The following NRG3 variants were observed in gnomAD, a reference collection of about 807,000 sequenced individuals.
NRG3 encodes the protein neuregulin 3.
Under a neutral mutation model 66.9 loss-of-function variants are expected in NRG3, and 31 were observed. The observed-to-expected ratio is 0.46, with a 90% confidence interval of 0.35 to 0.63. The LOEUF (loss-of-function observed/expected upper bound fraction) is 0.63. Ranked by LOEUF, NRG3 falls within the 20% of genes least tolerant of loss-of-function variation. NRG3 has a pLI of 0.00. For missense variants in NRG3, 910 were observed against 878.9 expected (o/e 1.04, Z -0.45); for synonymous variants, 393 against 359.4 (o/e 1.09, Z -1.06).
At chr10:82,850,747 TTAAAA>T (rs3070637) in intron 3 of NRG3, among the ~76,000 whole-genome samples, 49,079 of 151,492 alleles carry the variant, frequency 0.32, 8,108 homozygotes, top group African/African-American at 0.4. Flanking sequence ...ACACAGAAGT[TTAAAA>T]TAAAGTAAAA....
At chr10:82,130,377 C>T (rs1469674513) in intron 1 of NRG3, among the ~76,000 whole-genome samples, 1 of 151,780 alleles carries the variant, frequency 6.6e-6, no homozygotes, top group East Asian at 1.9e-4. Flanking sequence ...TCCCTCCCCT[C>T]TCCCCCAACC....
chr10:82,741,158 T>A (rs1209705530), intron 3 of NRG3, among the ~76,000 whole-genome samples: 1 of 152,176 alleles, frequency 6.6e-6, no homozygotes, highest in Non-Finnish European at 1.5e-5. Context: ...CATTCATCCA[T>A]GCACACGTGC....
At chr10:82,112,206 A>G (rs915363477) in intron 1 of NRG3, among the ~76,000 whole-genome samples, 1 of 152,176 alleles carries the variant, frequency 6.6e-6, no homozygotes, top group African/African-American at 2.4e-5. Flanking sequence ...TCACATCACT[A>G]CACTCCAGCT....
intron 3 of NRG3, among the ~76,000 whole-genome samples, chr10:82,761,130 G>C (rs1458736210): frequency 1.3e-5 from 2 of 151,842 alleles, no homozygotes; most frequent in East Asian, 3.9e-4. Context: ...AGAAAATATA[G>C]AATATTTTAT....
At chr10:82,314,428 C>G (rs1422978768) in intron 1 of NRG3, among the ~76,000 whole-genome samples, 1 of 151,970 alleles carries the variant, frequency 6.6e-6, no homozygotes, top group Non-Finnish European at 1.5e-5. Flanking sequence ...ATCCAACCCT[C>G]TCAGTTTTAT....
intron 2 of NRG3, among the ~76,000 whole-genome samples, chr10:82,496,451 A>G (rs1326011794): frequency 6.6e-6 from 1 of 152,180 alleles, no homozygotes; most frequent in Non-Finnish European, 1.5e-5. Context: ...ATTTCCATTC[A>G]TTAAAAAAGA....
At chr10:82,594,542 T>G (rs182215643) in intron 2 of NRG3, among the ~76,000 whole-genome samples, 1 of 152,284 alleles carries the variant, frequency 6.6e-6, no homozygotes, top group Non-Finnish European at 1.5e-5. Context: ...ATGGTTATTT[T>G]AAAAAAATTT....
intron 2 of NRG3, among the ~76,000 whole-genome samples, chr10:82,434,563 A>G (rs749934461): frequency 6.6e-6 from 1 of 152,030 alleles, no homozygotes; most frequent in Non-Finnish European, 1.5e-5. Context: ...TGCTCATTCA[A>G]TATGATATTG....
At chr10:82,693,784 G>A (rs772983654) in intron 2 of NRG3, among the ~76,000 whole-genome samples, 45 of 152,210 alleles carry the variant, frequency 3.0e-4, no homozygotes, top group Non-Finnish European at 2.2e-4. Flanking sequence ...ACTTTGAATC[G>A]AGTGTTACAG....
At chr10:81,902,072 T>C (rs554098829) in intron 1 of NRG3, among the ~76,000 whole-genome samples, 1 of 152,312 alleles carries the variant, frequency 6.6e-6, no homozygotes, top group Admixed American at 6.5e-5. Flanking sequence ...AAGAGGTCTT[T>C]CATGAAATTT....
intron 1 of NRG3, among the ~76,000 whole-genome samples, chr10:82,058,850 T>TA (rs1252632496): frequency 7.9e-5 from 12 of 152,176 alleles, no homozygotes; most frequent in African/African-American, 2.9e-4. Flanking sequence ...TAATAGAAGA[T>TA]ACTCTGCTTG....
intron 1 of NRG3, among the ~76,000 whole-genome samples, chr10:82,338,086 G>C (rs1196552893): frequency 6.6e-6 from 1 of 152,074 alleles, no homozygotes; most frequent in Non-Finnish European, 1.5e-5. Context: ...ACTGAATAAA[G>C]CATGAGTGTG....
chr10:82,539,407 ATT>A (rs1342281978), intron 2 of NRG3, among the ~76,000 whole-genome samples: 1 of 152,130 alleles, frequency 6.6e-6, no homozygotes, highest in Non-Finnish European at 1.5e-5. Context: ...CTAACAGATG[ATT>A]TTGTCATTTA....
intron 2 of NRG3, among the ~76,000 whole-genome samples, chr10:82,650,750 G>A (rs766138452): frequency 1.1e-4 from 17 of 152,158 alleles, no homozygotes; most frequent in Non-Finnish European, 1.5e-4. Flanking sequence ...ACATCATCAC[G>A]TAATTGTTTA....
At chr10:82,015,748 G>A (rs1013814881) in intron 1 of NRG3, among the ~76,000 whole-genome samples, 1 of 151,590 alleles carries the variant, frequency 6.6e-6, no homozygotes, top group Non-Finnish European at 1.5e-5. Context: ...TAATACATCT[G>A]TCTTCACTAT....
At chr10:82,654,353 A>G (rs917005279) in intron 2 of NRG3, among the ~76,000 whole-genome samples, 1 of 152,198 alleles carries the variant, frequency 6.6e-6, no homozygotes, top group African/African-American at 2.4e-5. Flanking sequence ...AGTCTTCTGA[A>G]TATATCTTGG....
At chr10:82,681,481 T>C (rs537789397) in intron 2 of NRG3, among the ~76,000 whole-genome samples, 1 of 152,348 alleles carries the variant, frequency 6.6e-6, no homozygotes, top group South Asian at 2.1e-4. Flanking sequence ...GTTGGAAATA[T>C]TATGCCAATA....
intron 2 of NRG3, among the ~76,000 whole-genome samples, chr10:82,624,902 A>AAT (rs111465104): frequency 0.069 from 10,008 of 145,834 alleles, 386 homozygotes; most frequent in South Asian, 0.11. Context: ...GATAAATATA[A>AAT]ATATATATAT....
chr10:81,999,277 G>T (rs2061072020), intron 1 of NRG3, among the ~76,000 whole-genome samples: 1 of 152,182 alleles, frequency 6.6e-6, no homozygotes, highest in African/African-American at 2.4e-5. Context: ...TTTTTTAAAA[G>T]AGACAGTAGA....
Sources: gnomAD v4.1 joint callset for allele counts (sites outside exome capture counted in the v4.1 genomes callset) on GRCh38, gnomAD v4.1.1 for gene constraint, MANE v1.5 for transcripts, NCBI Gene and HGNC (gene_info 2026-07-23, HGNC 2026-07-21) for gene names.